HTR2C: variants seen among roughly 807,000 people sequenced by gnomAD.
HTR2C encodes 5-hydroxytryptamine receptor 2C.
Under a neutral mutation model 21.0 loss-of-function variants are expected in HTR2C, and 5 were observed. That is an observed-to-expected ratio of 0.24 (90% CI 0.12 to 0.50). The LOEUF is 0.50. Ranked by LOEUF, HTR2C falls within the 20% of genes least tolerant of loss-of-function variation. The probability of loss-of-function intolerance (pLI) is 0.98; values close to 1 mark genes in which losing one functional copy is unlikely to be tolerated. For synonymous variants in HTR2C, 150 were observed against 145.3 expected (o/e 1.03, Z -0.23); for missense variants, 271 against 371.2 (o/e 0.73, Z 2.22).
chrX:114,827,094 C>G (rs889081860), intron 4 of HTR2C, among the ~76,000 whole-genome samples: 2 of 110,508 alleles, frequency 1.8e-5, no homozygotes, highest in South Asian at 7.6e-4. Context: ...CTTGGGACCA[C>G]AATGCTTTGG....
At chrX:114,695,889 TATA>T (rs1294661990) in intron 2 of HTR2C, among the ~76,000 whole-genome samples, 1 of 111,906 alleles carries the variant, frequency 8.9e-6, no homozygotes, top group Non-Finnish European at 1.9e-5. Flanking sequence ...AATGCACAAT[TATA>T]ATAATGATGA....
rs1556423363 is a variant in HTR2C, at chrX:114,731,493, A to G, written c.235A>G (p.Ser79Gly). 9 of 1,204,941 alleles carry G rather than the reference A, an allele frequency of 7.5e-6. No homozygotes were observed. The highest frequency in any genetic ancestry group is 1.0e-5 in the Non-Finnish European group (9 of 889,392). Residue 79 changes from serine (S) to glycine (G), a missense_variant, in exon 4 of 6, where the codon AGC (serine) becomes GGC (glycine). By Grantham distance (56) the Ser-to-Gly change is moderately conservative. Around this residue, in one of 5 missense-constraint regions of HTR2C, gnomAD observed 57 missense variants for 64.0 expected, o/e 0.89. Coordinates refer to ENST00000276198, the MANE Select transcript of HTR2C (RefSeq NM_000868.4). ...GGNILVIMAVSMEKKLHNATN... is the reference protein window; with the variant it reads ...GGNILVIMAVGMEKKLHNATN... ...CAACATCCTTGTGATCATGGCAGTA[A>G]GCATGGAAAAGAAACTGCACAATGC... is the stretch of plus-strand genomic sequence containing the variant.
At chrX:114,840,753 A>T (rs182438353) in intron 4 of HTR2C, among the ~76,000 whole-genome samples, 1 of 111,976 alleles carries the variant, frequency 8.9e-6, no homozygotes, top group African/African-American at 3.2e-5. Context: ...ATGTATAAAT[A>T]ATTCATATAG....
At chrX:114,616,149 T>C (rs2147807342) in intron 2 of HTR2C, among the ~76,000 whole-genome samples, 1 of 111,572 alleles carries the variant, frequency 9.0e-6, no homozygotes, top group East Asian at 2.8e-4. Context: ...TTAAATATAT[T>C]AATTCTTACT....
intron 1 of HTR2C, among the ~76,000 whole-genome samples, chrX:114,594,780 T>C (rs1416747334): frequency 1.8e-5 from 2 of 111,552 alleles, no homozygotes; most frequent in Non-Finnish European, 3.8e-5. Flanking sequence ...CTCTCTTAAC[T>C]CTTTTTATAT....
At chrX:114,696,861 TGCTC>T (rs1932294869) in intron 2 of HTR2C, among the ~76,000 whole-genome samples, 1 of 111,251 alleles carries the variant, frequency 9.0e-6, no homozygotes, top group Non-Finnish European at 1.9e-5. Flanking sequence ...AAGAAAATAA[TGCTC>T]ATAGTAGTTG....
chrX:114,823,620 T>A lies in HTR2C; in HGVS notation c.350-24383T>A, dbSNP rs1350514849. 5.0e-5 allele frequency: 16 copies of A among 317,683 alleles called. No individual in the cohort carries two copies. The East Asian group carries it at 1.0e-3, about 20-fold the overall frequency. 26.2% of individuals were successfully genotyped at this position (317,683 alleles called of 1,213,427 possible). ...ACTGAAGAACAATAAAATCTGCGTG[T>A]CATGGAAACACAGATGCTAGAGCTG... On this transcript the variant is annotated intron_variant, in intron 4 of 5. Coordinates refer to ENST00000276198, the MANE Select transcript of HTR2C (RefSeq NM_000868.4).
chrX:114,851,146 T>C (rs1052722243), intron 5 of HTR2C, among the ~76,000 whole-genome samples: 1 of 111,868 alleles, frequency 8.9e-6, no homozygotes, highest in Non-Finnish European at 1.9e-5. Context: ...CAGGGACAGA[T>C]AGACAAGTCT....
chrX:114,830,511 A>C (rs782756065), intron 4 of HTR2C, among the ~76,000 whole-genome samples: 7 of 111,323 alleles, frequency 6.3e-5, no homozygotes, highest in Non-Finnish European at 1.3e-4. Flanking sequence ...TTTAGTTGTA[A>C]TCTATAGGAG....
chrX:114,621,722 C>T (rs1276611503), intron 2 of HTR2C, among the ~76,000 whole-genome samples: 1 of 111,731 alleles, frequency 9.0e-6, no homozygotes, highest in Non-Finnish European at 1.9e-5. Flanking sequence ...AGATGTAAGC[C>T]AGCAACAGCA....
intron 4 of HTR2C, among the ~76,000 whole-genome samples, chrX:114,787,337 A>G (rs946328332): frequency 8.9e-6 from 1 of 112,011 alleles, no homozygotes; most frequent in Non-Finnish European, 1.9e-5. Context: ...ATGCAGAAAA[A>G]TATCTACCAG....
chrX:114,867,624 A>G (rs1389925964), intron 5 of HTR2C, among the ~76,000 whole-genome samples: 1 of 111,655 alleles, frequency 9.0e-6, no homozygotes, highest in Non-Finnish European at 1.9e-5. Flanking sequence ...TTCTTGCAAT[A>G]GTTTCATATT....
chrX:114,614,055 C>T (rs1487499709), intron 2 of HTR2C, among the ~76,000 whole-genome samples, 174 bp downstream of exon 2: 1 of 108,394 alleles, frequency 9.2e-6, no homozygotes, highest in African/African-American at 3.4e-5. Flanking sequence ...TGGTAAACAG[C>T]ATTTTAATGC....
intron 2 of HTR2C, among the ~76,000 whole-genome samples, chrX:114,652,976 A>G (rs1164864707): frequency 6.0e-5 from 2 of 33,363 alleles, no homozygotes; most frequent in African/African-American, 1.8e-4. Context: ...GAATATATAA[A>G]TATTATTAAA....
chrX:114,831,622 C>T (rs1242739160), intron 4 of HTR2C, among the ~76,000 whole-genome samples: 27 of 105,292 alleles, frequency 2.6e-4, no homozygotes, highest in African/African-American at 8.8e-4. Flanking sequence ...GAGTAGGTTG[C>T]GAAAATTTTC....
chrX:114,597,012 G>T (rs1927880238), intron 1 of HTR2C, among the ~76,000 whole-genome samples: 1 of 110,213 alleles, frequency 9.1e-6, no homozygotes, highest in African/African-American at 3.3e-5. Flanking sequence ...GAGGCCAGGA[G>T]TTCGAGACCA....
At chrX:114,670,392 C>T in intron 2 of HTR2C, among the ~76,000 whole-genome samples, 1 of 22,863 alleles carries the variant, frequency 4.4e-5, no homozygotes, top group Admixed American at 8.7e-4. Context: ...GATACTCTGT[C>T]TCAAAAAAAA....
chrX:114,621,537 C>T (rs1213211981), intron 2 of HTR2C, among the ~76,000 whole-genome samples: 1 of 112,088 alleles, frequency 8.9e-6, no homozygotes, highest in African/African-American at 3.2e-5. Flanking sequence ...CAAAAACAGT[C>T]TGTTGTTGCC....
At chrX:114,594,831 G>A (rs1927769814) in intron 1 of HTR2C, among the ~76,000 whole-genome samples, 1 of 110,320 alleles carries the variant, frequency 9.1e-6, no homozygotes, top group East Asian at 2.8e-4. Context: ...ATTTCCTATT[G>A]TAAATTTTTT....
Sources: gnomAD v4.1 joint callset for allele counts (sites outside exome capture counted in the v4.1 genomes callset) on GRCh38, gnomAD v4.1.1 for gene constraint, gnomAD v4.1.1 regional missense constraint, MANE v1.5 for transcripts, NCBI Gene and HGNC (gene_info 2026-07-23, HGNC 2026-07-21) for gene names.